Variants in RPS6KA2 observed in about 807,000 individuals in gnomAD.
RPS6KA2 encodes ribosomal protein S6 kinase A2, also known as ribosomal protein S6 kinase alpha-2.
Under a neutral mutation model 91.8 loss-of-function variants are expected in RPS6KA2, and 42 were observed. That is an observed-to-expected ratio of 0.46 (90% CI 0.36 to 0.59). The LOEUF (loss-of-function observed/expected upper bound fraction) is 0.59. Among genes scored for constraint, RPS6KA2 ranks in the 20% least tolerant of loss-of-function variants. RPS6KA2 has a pLI of 0.00. For missense variants in RPS6KA2, 798 were observed against 978.5 expected (o/e 0.82, Z 2.46); for synonymous variants, 414 against 393.6 (o/e 1.05, Z -0.61).
chr6:166,537,122 C>T (rs1783504778), intron 2 of RPS6KA2, among the ~76,000 whole-genome samples: 1 of 152,262 alleles, frequency 6.6e-6, no homozygotes, highest in Non-Finnish European at 1.5e-5. Flanking sequence ...TCCTGGGCCT[C>T]CGCCATGGGA....
At chr6:166,760,504 G>A (rs754873434) in intron 2 of RPS6KA2, among the ~76,000 whole-genome samples, 6 of 152,172 alleles carry the variant, frequency 3.9e-5, no homozygotes, top group African/African-American at 7.2e-5. Context: ...CCCCCATCGC[G>A]GTCTGGTTTG....
intron 5 of RPS6KA2, 117 bp from the exon 6 acceptor site, chr6:166,504,729 GTGGAACGCTA>G (rs1583215613): frequency 1.5e-6 from 1 of 676,534 alleles, no homozygotes; most frequent in East Asian, 2.8e-5. Context: ...AGTTTGCTCT[GTGGAACGCTA>G]TGGCCCCCCA....
At chr6:166,778,794 CAT>C (rs1778691489) in intron 2 of RPS6KA2, among the ~76,000 whole-genome samples, 1 of 152,190 alleles carries the variant, frequency 6.6e-6, no homozygotes, top group Non-Finnish European at 1.5e-5. Flanking sequence ...CCCATTAACT[CAT>C]GTGTTAATAA....
intron 15 of RPS6KA2, among the ~76,000 whole-genome samples, chr6:166,431,463 C>T (rs1003867338): frequency 3.9e-4 from 60 of 152,152 alleles, no homozygotes; most frequent in African/African-American, 1.3e-3. Context: ...AGTGGCCAGG[C>T]GCTGGGAGCA....
intron 2 of RPS6KA2, among the ~76,000 whole-genome samples, chr6:166,824,513 T>C (rs1484090789): frequency 6.6e-6 from 1 of 152,144 alleles, no homozygotes; most frequent in Non-Finnish European, 1.5e-5. Context: ...GTCAAATCCT[T>C]CTGTGCTAGC....
intron 1 of RPS6KA2, among the ~76,000 whole-genome samples, chr6:166,591,917 C>G (rs888608727): frequency 6.6e-6 from 1 of 152,180 alleles, no homozygotes; most frequent in Admixed American, 6.5e-5. Context: ...AAACCCAAGC[C>G]GGCCCACACT....
intron 2 of RPS6KA2, among the ~76,000 whole-genome samples, chr6:166,650,039 A>T (rs1787799502): frequency 6.6e-6 from 1 of 152,068 alleles, no homozygotes; most frequent in Non-Finnish European, 1.5e-5. Flanking sequence ...TTGGCCTCAG[A>T]AATGTTAGAT....
intron 2 of RPS6KA2, among the ~76,000 whole-genome samples, chr6:166,679,034 C>A (rs764552338): frequency 6.6e-6 from 1 of 152,130 alleles, no homozygotes; most frequent in African/African-American, 2.4e-5. Context: ...ATTTAGTTCA[C>A]GTTACAAAAC....
intron 10 of RPS6KA2, among the ~76,000 whole-genome samples, chr6:166,476,777 C>A (rs1780990102): frequency 6.6e-6 from 1 of 152,116 alleles, no homozygotes; most frequent in Non-Finnish European, 1.5e-5. Flanking sequence ...CTCCTCCCAG[C>A]CCCTCAATTG....
chr6:166,774,044 T>G (rs1778549416), intron 2 of RPS6KA2, among the ~76,000 whole-genome samples: 1 of 152,078 alleles, frequency 6.6e-6, no homozygotes, highest in Admixed American at 6.5e-5. Context: ...GATTGAATCT[T>G]TTTTTTTAAG....
At chr6:166,481,929 T>C (rs1781236261) in intron 10 of RPS6KA2, among the ~76,000 whole-genome samples, 1 of 151,276 alleles carries the variant, frequency 6.6e-6, no homozygotes, top group African/African-American at 2.4e-5. Context: ...AATCTTAAAG[T>C]ATGTGCTGCA....
chr6:166,429,176 C>T (rs1367952047), intron 16 of RPS6KA2, among the ~76,000 whole-genome samples: 3 of 150,920 alleles, frequency 2.0e-5, no homozygotes, highest in Non-Finnish European at 1.5e-5. Flanking sequence ...CTCAGTAAAC[C>T]GTCGCAAGGA....
chr6:166,675,740 T>G (rs1333044871), intron 2 of RPS6KA2, among the ~76,000 whole-genome samples: 1 of 152,212 alleles, frequency 6.6e-6, no homozygotes, highest in Non-Finnish European at 1.5e-5. Flanking sequence ...TCCCAATATT[T>G]GTTTTTGTGT....
chr6:166,680,233 A>G (rs1583013126), intron 2 of RPS6KA2, among the ~76,000 whole-genome samples: 1 of 152,242 alleles, frequency 6.6e-6, no homozygotes, highest in African/African-American at 2.4e-5. Context: ...TAAACACACC[A>G]ATCAGCACTC....
rs73267298 is a variant in RPS6KA2 at position 166,419,248 on chromosome 6, C to G, written c.1820+634G>C. ...AAGTATTTAATAAACGTAATAGGAA[C>G]CAGCGGATCTTGTAAGATCCTAGAC... On this transcript the variant is annotated intron_variant, in intron 18 of 20. Coordinates refer to ENST00000265678, the MANE Select transcript of RPS6KA2 (RefSeq NM_021135.6). The surrounding 1 kb of genome is among the most constrained non-coding windows in gnomAD (Gnocchi z 5.6). Among the ~76,000 whole-genome samples the G allele has an allele frequency of 0.012, 1,757 of 152,328 alleles. 36 individuals are homozygous for G. The highest frequency in any genetic ancestry group is 0.038 in the African/African-American group (1,580 of 41,574).
At chr6:166,562,867 C>G (rs1366912964) in intron 1 of RPS6KA2, among the ~76,000 whole-genome samples, 1 of 152,184 alleles carries the variant, frequency 6.6e-6, no homozygotes, top group Non-Finnish European at 1.5e-5. Flanking sequence ...GCCCTGAAGG[C>G]TACTTGGACT....
intron 1 of RPS6KA2, among the ~76,000 whole-genome samples, chr6:166,574,642 T>C (rs1001361337): frequency 3.9e-4 from 59 of 152,212 alleles, no homozygotes; most frequent in Admixed American, 3.5e-3. Context: ...GTCTTTTTGG[T>C]AGAATGATTT....
chr6:166,826,644 C>CA (rs1162066396), intron 2 of RPS6KA2, among the ~76,000 whole-genome samples: 2 of 152,184 alleles, frequency 1.3e-5, no homozygotes, highest in African/African-American at 4.8e-5. Flanking sequence ...CTAGGCTTAC[C>CA]ATAGCTAGGG....
intron 11 of RPS6KA2, among the ~76,000 whole-genome samples, chr6:166,464,533 C>T (rs769747079): frequency 3.9e-5 from 6 of 152,232 alleles, no homozygotes; most frequent in African/African-American, 7.2e-5. Context: ...CCAGCATCAT[C>T]ATTCACTGCC....
Sources: allele counts gnomAD v4.1 joint callset (sites outside exome capture counted in the v4.1 genomes callset), GRCh38; gene constraint gnomAD v4.1.1; non-coding constraint Gnocchi (gnomAD v3.1); transcripts MANE v1.5; gene names NCBI Gene and HGNC (gene_info 2026-07-23, HGNC 2026-07-21).